Variants in MAPKBP1 observed in about 807,000 individuals in gnomAD.
The protein encoded by MAPKBP1 is mitogen-activated protein kinase-binding protein 1.
MAPKBP1 carries 71 observed loss-of-function variants against 170.5 expected under a neutral mutation model. The ratio of observed to expected loss-of-function variants is 0.42; its 90% CI spans 0.34 to 0.51. MAPKBP1 has a LOEUF of 0.51. Ranked by LOEUF, MAPKBP1 falls within the 20% of genes least tolerant of loss-of-function variation. The probability of loss-of-function intolerance (pLI) is 0.06; values close to 1 mark genes in which losing one functional copy is unlikely to be tolerated. For synonymous variants in MAPKBP1, 719 were observed against 757.9 expected (o/e 0.95, Z 0.84); for missense variants, 1,598 against 1,933.0 (o/e 0.83, Z 3.25).
At chr15:41,810,635 C>G in intron 3 of MAPKBP1, 1 of 445,566 alleles carries the variant, frequency 2.2e-6, no homozygotes, top group East Asian at 3.5e-5. Flanking sequence ...GGGAGGATTG[C>G]TTGAACCTGC....
intron 2 of MAPKBP1, among the ~76,000 whole-genome samples, chr15:41,781,975 G>T (rs778882870): frequency 6.6e-6 from 1 of 151,784 alleles, no homozygotes; most frequent in South Asian, 2.1e-4. Context: ...CAGGCCGGGC[G>T]CAGTGGCTCA....
chr15:41,794,725 G>A (rs2064456924), intron 2 of MAPKBP1, among the ~76,000 whole-genome samples: 2 of 152,174 alleles, frequency 1.3e-5, no homozygotes, highest in Non-Finnish European at 2.9e-5. Flanking sequence ...TGTTTAAAGT[G>A]CTGGGAATAC....
rs1337714955 is a variant in MAPKBP1 at position 41,810,898 on chromosome 15, G to A, written c.222G>A (p.Leu74=). 3 of 1,614,014 alleles carry A rather than the reference G, an allele frequency of 1.9e-6. No homozygotes were observed. The highest frequency in any genetic ancestry group is 2.7e-5 in the African/African-American group (2 of 74,892). The change falls in exon 4 of 31, where the codon TTG becomes TTA. Residue 74 remains leucine, a synonymous_variant. Coordinates refer to ENST00000457542, the MANE Select transcript of MAPKBP1 (RefSeq NM_014994.3). ...VAYPAGCVVV[L]FNPRKHKQHH... is the part of the protein sequence containing the mutation. ...ATCTCCTCAGGTGTGTGGTTGTGTT[G>A]TTCAATCCCCGGAAACACAAACAGC...
intron 3 of MAPKBP1, among the ~76,000 whole-genome samples, chr15:41,809,276 G>GAA (rs141881768): frequency 6.7e-6 from 1 of 149,748 alleles, no homozygotes; most frequent in Non-Finnish European, 1.5e-5. Context: ...AAAGAAGGAG[G>GAA]AAAAAAAAAC....
chr15:41,779,529 G>T (rs999023642), intron 2 of MAPKBP1, among the ~76,000 whole-genome samples: 1 of 152,022 alleles, frequency 6.6e-6, no homozygotes, highest in African/African-American at 2.4e-5. Context: ...GTTTTTTGTA[G>T]AGACAGAGTC....
intron 3 of MAPKBP1, among the ~76,000 whole-genome samples, chr15:41,806,359 G>C (rs560322183): frequency 2.0e-4 from 30 of 152,198 alleles, no homozygotes; most frequent in Admixed American, 7.2e-4. Flanking sequence ...ATTTTACCTG[G>C]TCTGAAAGAA....
chr15:41,816,185 C>T (rs2064888219), intron 12 of MAPKBP1: 3 of 337,274 alleles, frequency 8.9e-6, no homozygotes, highest in South Asian at 5.3e-5. Flanking sequence ...TAAGGAAAGA[C>T]CAGAGAACTG....
chr15:41,822,762 C>G (rs1025874749), intron 27 of MAPKBP1, 85 bp downstream of exon 27: 1 of 1,534,976 alleles, frequency 6.5e-7, no homozygotes, highest in African/African-American at 1.4e-5. Context: ...AGTGTTCTGT[C>G]TCTCCATGCG....
Position 41,825,231 on chromosome 15 carries a change from C to T in MAPKBP1, c.4322C>T (p.Ser1441Leu). ...YHSVAGCKMP[S>L]AEQSRIAQLL... ...CAGGTGGCTGGCTGCAAGATGCCCT[C>T]AGCAGAGCAAAGTCGGATTGCCCAG... Residue 1441 changes from serine (S) to leucine (L), a missense_variant, in exon 31 of 31, where the codon TCA (serine) becomes TTA (leucine). Transcript: ENST00000457542. 1 of 1,595,974 alleles carries T rather than the reference C, an allele frequency of 6.3e-7. No homozygotes were observed. The highest frequency in any genetic ancestry group is 8.6e-7 in the Non-Finnish European group (1 of 1,166,224).
intron 2 of MAPKBP1, among the ~76,000 whole-genome samples, chr15:41,789,186 G>T (rs2064350620): frequency 1.3e-5 from 2 of 152,086 alleles, no homozygotes; most frequent in African/African-American, 4.8e-5. Context: ...AGAAAATCAG[G>T]TGTGTAGAGG....
chr15:41,806,633 C>G (rs187480598), intron 3 of MAPKBP1, among the ~76,000 whole-genome samples: 1 of 152,210 alleles, frequency 6.6e-6, no homozygotes, highest in Admixed American at 6.5e-5. Flanking sequence ...TGAGGCCTTA[C>G]GTCCTTCTGT....
intron 3 of MAPKBP1, among the ~76,000 whole-genome samples, chr15:41,807,077 CTG>C (rs763822109): frequency 6.6e-6 from 1 of 152,216 alleles, no homozygotes; most frequent in South Asian, 2.1e-4. Context: ...GGGATGACCT[CTG>C]TGTGTTTCCT....
chr15:41,785,775 C>T (rs1050634148), intron 2 of MAPKBP1, among the ~76,000 whole-genome samples: 1 of 151,904 alleles, frequency 6.6e-6, no homozygotes, highest in Non-Finnish European at 1.5e-5. Flanking sequence ...GCAATCATAC[C>T]CTTACACTAC....
intron 2 of MAPKBP1, among the ~76,000 whole-genome samples, chr15:41,797,139 C>T (rs1243507074): frequency 6.6e-6 from 1 of 152,122 alleles, no homozygotes. Context: ...AGAATTAATT[C>T]TCTTTGGAAT....
intron 3 of MAPKBP1, among the ~76,000 whole-genome samples, chr15:41,803,601 G>A (rs1022849771): frequency 1.3e-5 from 2 of 151,804 alleles, no homozygotes; most frequent in Non-Finnish European, 2.9e-5. Context: ...TGTAGTCCTA[G>A]CAACTGGGGA....
Position 41,823,485 on chromosome 15 carries a change from G to T in MAPKBP1, c.3637G>T (p.Ala1213Ser). ...CAGTCTGCAGGCCCCTTCACCAGGC[G>T]CACTGCTGTCTCGGGAGATCGAAGC... ...EASLQAPSPGALLSREIEAQD... is the reference protein window; with the variant it reads ...EASLQAPSPGSLLSREIEAQD... Residue 1213 changes from alanine to serine, a missense_variant, in exon 29 of 31, where the codon GCA becomes TCA. Coordinates refer to ENST00000457542, the MANE Select transcript of MAPKBP1 (RefSeq NM_014994.3). 1.2e-6 allele frequency: 2 copies of T among 1,613,936 alleles called. No homozygotes were observed. The highest frequency in any genetic ancestry group is 8.5e-7 in the Non-Finnish European group (1 of 1,179,930).
intron 2 of MAPKBP1, among the ~76,000 whole-genome samples, chr15:41,792,531 A>T (rs1415414553): frequency 6.6e-6 from 1 of 152,118 alleles, no homozygotes; most frequent in Non-Finnish European, 1.5e-5. Flanking sequence ...GGTGTGGAGG[A>T]GCTCACTGTA....
rs763664812 is a variant in MAPKBP1 at position 41,812,638 on chromosome 15, C to T, written c.621C>T (p.Asp207=). The T allele has an allele frequency of 6.2e-7, 1 of 1,607,624 alleles. No homozygotes were observed. The highest frequency in any genetic ancestry group is 8.5e-7 in the Non-Finnish European group (1 of 1,176,136). ...NRHIKFWYLD[D]SKTSKVNATV... ...ACATCAAATTCTGGTATCTCGATGA[C>T]AGCAAGACCTCAAAGGTGAGGTGCT... Residue 207 remains aspartate (D), a synonymous_variant, in exon 7 of 31, where the codon GAC becomes GAT. Transcript: ENST00000457542.
chr15:41,777,384 T>A (rs2064116315), intron 2 of MAPKBP1, among the ~76,000 whole-genome samples: 1 of 150,918 alleles, frequency 6.6e-6, no homozygotes, highest in Non-Finnish European at 1.5e-5. Flanking sequence ...GAAGGGATGC[T>A]TGAACTGTGA....
Sources: allele counts gnomAD v4.1 joint callset (sites outside exome capture counted in the v4.1 genomes callset), GRCh38; gene constraint gnomAD v4.1.1; transcripts MANE v1.5; gene names NCBI Gene and HGNC (gene_info 2026-07-23, HGNC 2026-07-21).